MEMO1: variants seen among roughly 807,000 people sequenced by gnomAD.
The protein encoded by MEMO1 is mediator of cell motility 1, also known as protein MEMO1.
Under a neutral mutation model 45.2 loss-of-function variants are expected in MEMO1, and 6 were observed. The observed-to-expected ratio is 0.13, with a 90% CI of 0.07 to 0.26. The LOEUF (loss-of-function observed/expected upper bound fraction) is 0.26, where lower values mean the gene tolerates loss of function less well. Ranked by LOEUF, MEMO1 falls within the 10% of genes least tolerant of loss-of-function variation. MEMO1 has a pLI of 1.00. For synonymous variants in MEMO1, 78 were observed against 124.3 expected, an observed-to-expected ratio of 0.63 and a Z score of 2.48; for missense variants, 184 against 370.5, an observed-to-expected ratio of 0.50 and a Z score of 4.13.
At chr2:31,969,383 GTATA>G (rs756681947) in intron 2 of MEMO1, among the ~76,000 whole-genome samples, 2 of 148,470 alleles carry the variant, frequency 1.3e-5, no homozygotes, top group South Asian at 2.1e-4. Flanking sequence ...ATACACATGT[GTATA>G]TATATACGTG....
chr2:31,906,228 C>A (rs995934060), intron 6 of MEMO1, among the ~76,000 whole-genome samples: 6 of 152,134 alleles, frequency 3.9e-5, no homozygotes, highest in African/African-American at 1.4e-4. Context: ...CCTCAACCTC[C>A]CAAAGTGCTG....
intron 3 of MEMO1, among the ~76,000 whole-genome samples, chr2:31,935,060 T>A (rs903133707): frequency 1.2e-4 from 18 of 152,356 alleles, no homozygotes; most frequent in Admixed American, 1.0e-3. Context: ...CTTCAAAGTA[T>A]TAAATCATGT....
At position 31,892,055 on chromosome 2, in the gene MEMO1, A is replaced by G; in HGVS notation, c.517T>C (p.Phe173Leu). 6.2e-7 allele frequency: 1 copy of G among 1,612,972 alleles called. No individual in the cohort carries two copies. Among genetic ancestry groups the G allele is most frequent in the Non-Finnish European group, 8.5e-7 (1 of 1,179,478 alleles). ...ESKEQEFGKL[F>L]SKYLADPSNL... ...CTAGGATCCGCTAGATATTTACTGA[A>G]GAGTTTTCCGAATTCCTGTTCTTTT... Residue 173 changes from phenylalanine (F) to leucine (L), a missense_variant, in exon 7 of 10, where the codon TTC (phenylalanine) becomes CTC (leucine). Physicochemically the swap from Phe to Leu is conservative, Grantham distance 22. This residue lies in a region of MEMO1 where 97 missense variants were observed against 209.3 expected (regional missense o/e 0.46). Transcript: ENST00000404530.
intron 4 of MEMO1, among the ~76,000 whole-genome samples, chr2:31,924,478 TG>T (rs1463684752): frequency 6.9e-6 from 1 of 145,596 alleles, no homozygotes; most frequent in Non-Finnish European, 1.5e-5. Context: ...CACGAAAAAA[TG>T]GGGGGAAGGA....
At chr2:31,990,061 G>A (rs1253290650) in intron 2 of MEMO1, among the ~76,000 whole-genome samples, 1 of 152,168 alleles carries the variant, frequency 6.6e-6, no homozygotes, top group Non-Finnish European at 1.5e-5. Flanking sequence ...AGGTTGCAAT[G>A]AGCCATGAGC....
intron 6 of MEMO1, among the ~76,000 whole-genome samples, chr2:31,898,941 C>T (rs1435497984): frequency 6.6e-6 from 1 of 152,122 alleles, no homozygotes; most frequent in Non-Finnish European, 1.5e-5. Flanking sequence ...CTTCTTGTTG[C>T]ATTGATCCCT....
chr2:31,942,337 G>A (rs1019375211), intron 3 of MEMO1, among the ~76,000 whole-genome samples: 7 of 151,858 alleles, frequency 4.6e-5, no homozygotes, highest in Admixed American at 1.3e-4. Flanking sequence ...AAAAATCATC[G>A]GGATTAAATT....
intron 2 of MEMO1, among the ~76,000 whole-genome samples, chr2:31,951,595 C>T (rs1224701462): frequency 1.3e-5 from 2 of 151,680 alleles, no homozygotes; most frequent in African/African-American, 4.9e-5. Flanking sequence ...TGCAGTGGCA[C>T]GATCTCGGCT....
intron 2 of MEMO1, among the ~76,000 whole-genome samples, chr2:31,989,980 T>C (rs1235404352): frequency 6.6e-6 from 1 of 152,130 alleles, no homozygotes; most frequent in African/African-American, 2.4e-5. Flanking sequence ...TAACCGGGCA[T>C]GGTGGTATAC....
chr2:31,898,219 G>A (rs907611015), intron 6 of MEMO1, among the ~76,000 whole-genome samples: 4 of 151,980 alleles, frequency 2.6e-5, no homozygotes, highest in African/African-American at 9.7e-5. Context: ...ATCTCCTTCA[G>A]TTCTACTCTG....
chr2:31,882,833 T>C (rs1042686383), intron 8 of MEMO1, among the ~76,000 whole-genome samples: 12 of 152,158 alleles, frequency 7.9e-5, no homozygotes, highest in African/African-American at 2.2e-4. Flanking sequence ...AGTTTACATA[T>C]AATTCCTCCA....
At chr2:31,903,325 T>C (rs756597136) in intron 6 of MEMO1, among the ~76,000 whole-genome samples, 1 of 143,092 alleles carries the variant, frequency 7.0e-6, no homozygotes, top group Non-Finnish European at 1.5e-5. Context: ...ACAGGATCCT[T>C]ACCCCTAAGG....
At chr2:31,910,132 C>T (rs956860154) in intron 6 of MEMO1, among the ~76,000 whole-genome samples, 5 of 152,040 alleles carry the variant, frequency 3.3e-5, no homozygotes, top group African/African-American at 1.2e-4. Flanking sequence ...AAAAAACCCA[C>T]TAATTTAGAA....
intron 2 of MEMO1, among the ~76,000 whole-genome samples, chr2:31,950,360 A>G (rs1240351832): frequency 6.6e-6 from 1 of 150,656 alleles, no homozygotes; most frequent in Non-Finnish European, 1.5e-5. Context: ...CAGCCTGGGC[A>G]GCAGAGCAAG....
chr2:31,949,407 C>T (rs558149672), intron 2 of MEMO1, among the ~76,000 whole-genome samples: 1 of 152,136 alleles, frequency 6.6e-6, no homozygotes, highest in East Asian at 1.9e-4. Flanking sequence ...GGTACATACA[C>T]ATAAGCCATA....
intron 2 of MEMO1, among the ~76,000 whole-genome samples, chr2:32,000,656 G>A (rs1024256137): frequency 3.3e-5 from 5 of 152,134 alleles, no homozygotes; most frequent in Non-Finnish European, 7.4e-5. Context: ...GTGAGCCACC[G>A]CACCTGGCCG....
chr2:31,981,262 C>T (rs1247412769), intron 2 of MEMO1, among the ~76,000 whole-genome samples: 1 of 152,162 alleles, frequency 6.6e-6, no homozygotes, highest in Non-Finnish European at 1.5e-5. Context: ...GTAGTTAGAG[C>T]TCCCTGGTTT....
At chr2:31,998,807 A>C (rs1447934159) in intron 2 of MEMO1, among the ~76,000 whole-genome samples, 1 of 152,142 alleles carries the variant, frequency 6.6e-6, no homozygotes, top group African/African-American at 2.4e-5. Context: ...CTCAAAAAAA[A>C]AAAAAAGAAA....
intron 3 of MEMO1, among the ~76,000 whole-genome samples, chr2:31,940,480 T>C (rs573216805): frequency 6.6e-6 from 1 of 152,330 alleles, no homozygotes; most frequent in East Asian, 1.9e-4. Context: ...GGTAATTCCA[T>C]CCTTCTAGTT....
Sources: gnomAD v4.1 joint callset for allele counts (sites outside exome capture counted in the v4.1 genomes callset) on GRCh38, gnomAD v4.1.1 for gene constraint, gnomAD v4.1.1 regional missense constraint, MANE v1.5 for transcripts, NCBI Gene and HGNC (gene_info 2026-07-23, HGNC 2026-07-21) for gene names.